The following WTAP variants were observed in gnomAD, a reference collection of about 807,000 sequenced individuals.
WTAP encodes WT1 associated protein.
Under a neutral mutation model 50.0 loss-of-function variants are expected in WTAP, and 8 were observed. The observed-to-expected ratio is 0.16, with a 90% CI of 0.09 to 0.29. The LOEUF (loss-of-function observed/expected upper bound fraction) is 0.29. Among genes scored for constraint, WTAP ranks in the 10% least tolerant of loss-of-function variants. The pLI, the probability that WTAP is intolerant of heterozygous loss-of-function variation, is 1.00. For missense variants in WTAP, 295 were observed against 470.7 expected (o/e 0.63, Z 3.45); for synonymous variants, 194 against 169.0 (o/e 1.15, Z -1.15).
intron 7 of WTAP, among the ~76,000 whole-genome samples, chr6:159,754,758 C>G (rs1779942931): frequency 6.6e-6 from 1 of 152,028 alleles, no homozygotes; most frequent in African/African-American, 2.4e-5. Flanking sequence ...CCAGTTTTTT[C>G]TTCCTTGAAT....
At chr6:159,737,517 A>G (rs1778993617) in intron 2 of WTAP, among the ~76,000 whole-genome samples, 1 of 152,112 alleles carries the variant, frequency 6.6e-6, no homozygotes, top group African/African-American at 2.4e-5. Flanking sequence ...TTTCTGAGAC[A>G]GAGTCTCACT....
In WTAP at chr6:159,743,762, A is replaced by G. The variant is rs141849541; in HGVS notation, c.243A>G (p.Ala81=). The change falls in exon 5 of 8, where the codon GCA becomes GCG. Residue 81 remains alanine, a synonymous_variant. Transcript: ENST00000621533. ...AAAACATCCTTGTAATGCGACTAGC[A>G]ACCAAGGAACAAGAGATGCAAGAGT... ...RRENILVMRL[A]TKEQEMQECT... is the part of the protein sequence containing the mutation. 20 of 1,612,912 alleles carry G rather than the reference A, an allele frequency of 1.2e-5. No individual in the cohort carries two copies. The highest frequency in any genetic ancestry group is 1.6e-5 in the Non-Finnish European group (19 of 1,179,534).
intron 1 of WTAP, among the ~76,000 whole-genome samples, chr6:159,728,921 C>T (rs1033421985): frequency 4.6e-5 from 7 of 152,132 alleles, no homozygotes; most frequent in South Asian, 4.1e-4. Flanking sequence ...ATTGCTAACT[C>T]CTAAAGGATA....
chr6:159,745,417 T>A (rs1340956196), intron 5 of WTAP, among the ~76,000 whole-genome samples: 1 of 151,990 alleles, frequency 6.6e-6, no homozygotes, highest in African/African-American at 2.4e-5. Context: ...TCAACTATAA[T>A]GGAACCTAAC....
intron 1 of WTAP, among the ~76,000 whole-genome samples, chr6:159,732,885 T>TTGTG (rs1562452331): frequency 3.0e-4 from 17 of 56,874 alleles, no homozygotes; most frequent in African/African-American, 1.3e-3. Context: ...TATATATATA[T>TTGTG]AGTGTGTGTG....
chr6:159,729,830 AGTT>A (rs1778459198), intron 1 of WTAP, among the ~76,000 whole-genome samples: 1 of 152,146 alleles, frequency 6.6e-6, no homozygotes, highest in Non-Finnish European at 1.5e-5. Context: ...TTCTTACTGA[AGTT>A]GTTTTGGCTG....
chr6:159,755,909 G>T lies in WTAP; in HGVS notation c.*298G>T. 1 of 306,622 alleles carries T rather than the reference G, an allele frequency of 3.3e-6. No homozygotes were observed. The highest frequency in any genetic ancestry group is 5.6e-6 in the Non-Finnish European group (1 of 177,104). 19.0% of individuals were successfully genotyped at this position (306,622 alleles called of 1,614,324 possible). A position where few individuals can be genotyped will look rare whatever the true frequency, so the allele number is the denominator to read the frequency against. On this transcript the variant is annotated 3_prime_UTR_variant, in exon 8 of 8. Coordinates refer to ENST00000621533, the MANE Select transcript of WTAP (RefSeq NM_001270531.2). The stretch of plus-strand genomic sequence containing the variant: ...ATGAGTTAATGTGAAATTGTAAATG[G>T]AAATTTTTCCTTAAAATACAACACA...
At chr6:159,733,576 C>T (rs762141233) in intron 1 of WTAP, among the ~76,000 whole-genome samples, 2 of 150,874 alleles carry the variant, frequency 1.3e-5, no homozygotes, top group Non-Finnish European at 2.9e-5. Context: ...GAGCCATCAT[C>T]GCACCACTGC....
At chr6:159,743,857 A>C in intron 5 of WTAP, 65 bp downstream of exon 5, 9 of 1,466,548 alleles carry the variant, frequency 6.1e-6, no homozygotes, top group Non-Finnish European at 8.2e-6. Flanking sequence ...ACATTATTAC[A>C]TGTTAATTTT....
intron 1 of WTAP, among the ~76,000 whole-genome samples, chr6:159,731,387 G>T (rs1778560975): frequency 2.0e-5 from 3 of 151,982 alleles, no homozygotes; most frequent in African/African-American, 4.8e-5. Flanking sequence ...AGGATCAGTT[G>T]AGCCCAAGAG....
chr6:159,755,699 G>A lies in WTAP; in HGVS notation c.*88G>A. 1.6e-6 allele frequency: 2 copies of A among 1,253,832 alleles called. No homozygotes were observed. Among genetic ancestry groups the A allele is most frequent in the Non-Finnish European group, 2.0e-6 (2 of 1,002,430 alleles). 77.7% of individuals were successfully genotyped at this position (1,253,832 alleles called of 1,614,324 possible). ...TTAATGCATACTTTTGTCACAATTT[G>A]CCTTTTTGTGGGTGTACGTTTTGGT... On this transcript the variant is annotated 3_prime_UTR_variant, in exon 8 of 8. Transcript: ENST00000621533.
intron 1 of WTAP, among the ~76,000 whole-genome samples, chr6:159,728,577 GT>G (rs925360524): frequency 6.6e-6 from 1 of 152,094 alleles, no homozygotes; most frequent in Admixed American, 6.5e-5. Flanking sequence ...GCAAGTTCTC[GT>G]TTTTTGGATT....
chr6:159,734,939 GAAT>G (rs1247389168), intron 1 of WTAP, among the ~76,000 whole-genome samples: 24 of 151,880 alleles, frequency 1.6e-4, no homozygotes, highest in Non-Finnish European at 3.2e-4. Context: ...GTAGTTTAAT[GAAT>G]AATACCTGCT....
intron 6 of WTAP, chr6:159,749,234 G>A: frequency 1.0e-6 from 1 of 985,794 alleles, no homozygotes. Context: ...GATTGTATAA[G>A]GATATTAGCT....
rs190503285 is a variant in WTAP at position 159,731,403 on chromosome 6, G to C, written c.-9+3700G>C. On this transcript the variant is annotated intron_variant, in intron 1 of 7. Coordinates refer to ENST00000621533, the MANE Select transcript of WTAP (RefSeq NM_001270531.2). ...GGATCAGTTGAGCCCAAGAGATGGAGGCTGCAGTGAGCTGTGATCGAGTCA... is the reference window on the plus strand; with the variant it reads ...GGATCAGTTGAGCCCAAGAGATGGACGCTGCAGTGAGCTGTGATCGAGTCA... Among the ~76,000 whole-genome samples the C allele has an allele frequency of 4.3e-3, 650 of 152,220 alleles. 5 individuals are homozygous for C. The highest frequency in any genetic ancestry group is 6.4e-3 in the Non-Finnish European group (435 of 68,008).
chr6:159,738,543 T>G (rs1779057266), intron 2 of WTAP, among the ~76,000 whole-genome samples: 2 of 152,248 alleles, frequency 1.3e-5, no homozygotes, highest in African/African-American at 4.8e-5. Flanking sequence ...GCTGCTTGCA[T>G]GTTTTCATTT....
upstream of WTAP, chr6:159,727,238 G>C: frequency 1.1e-5 from 14 of 1,281,662 alleles, no homozygotes; most frequent in Non-Finnish European, 1.4e-5. Context: ...CCCCGATCGG[G>C]CTAGGCCGAC....
At chr6:159,749,054 T>C (rs1446009062) in intron 6 of WTAP, 1 of 991,068 alleles carries the variant, frequency 1.0e-6, no homozygotes, top group African/African-American at 1.7e-5. Context: ...TTTGGGGCTC[T>C]ATATTACTTG....
intron 4 of WTAP, among the ~76,000 whole-genome samples, chr6:159,743,327 G>C: frequency 6.6e-6 from 1 of 152,352 alleles, no homozygotes; most frequent in Non-Finnish European, 1.5e-5. Context: ...GATTACAGGC[G>C]TGAGCCTCTG....
Sources: allele counts gnomAD v4.1 joint callset (sites outside exome capture counted in the v4.1 genomes callset), GRCh38; gene constraint gnomAD v4.1.1; transcripts MANE v1.5; gene names NCBI Gene and HGNC (gene_info 2026-07-23, HGNC 2026-07-21).